ZMAT4: variants seen among roughly 807,000 people sequenced by gnomAD.
ZMAT4 encodes zinc finger matrin-type 4.
A neutral mutation model predicts 28.7 loss-of-function variants in ZMAT4; 17 were observed. The observed-to-expected ratio is 0.59, with a 90% CI of 0.41 to 0.89. ZMAT4 has a LOEUF of 0.89. Among genes scored for constraint, ZMAT4 ranks in the 40% least tolerant of loss-of-function variants. The pLI is 0.00. For missense variants in ZMAT4, 240 were observed against 283.8 expected, an observed-to-expected ratio of 0.85 and a Z score of 1.11; for synonymous variants, 117 against 109.2, an observed-to-expected ratio of 1.07 and a Z score of -0.44.
chr8:40,558,897 G>A (rs1222307192), intron 6 of ZMAT4, among the ~76,000 whole-genome samples: 1 of 151,994 alleles, frequency 6.6e-6, no homozygotes, highest in Non-Finnish European at 1.5e-5. Flanking sequence ...CAGAACAGAG[G>A]GGCCATAAGA....
At chr8:40,638,356 A>T (rs981690815) in intron 5 of ZMAT4, among the ~76,000 whole-genome samples, 1 of 152,236 alleles carries the variant, frequency 6.6e-6, no homozygotes, top group Non-Finnish European at 1.5e-5. Context: ...TGTCAATTAA[A>T]GATAAAGTTA....
At chr8:40,649,322 C>G (rs1284356910) in intron 5 of ZMAT4, among the ~76,000 whole-genome samples, 4 of 151,998 alleles carry the variant, frequency 2.6e-5, no homozygotes, top group Admixed American at 6.6e-5. Flanking sequence ...TCAAAAGAGA[C>G]AAAGAAGGCC....
At chr8:40,799,834 A>T (rs2150585823) in intron 2 of ZMAT4, among the ~76,000 whole-genome samples, 1 of 152,356 alleles carries the variant, frequency 6.6e-6, no homozygotes, top group Non-Finnish European at 1.5e-5. Flanking sequence ...GAGATACACC[A>T]ACCATGAAGG....
rs532794192 is a variant in ZMAT4 at position 40,805,117 on chromosome 8, C to A, written c.102+20458G>T. ...AAATTTACAAGAAAAAAACAAACAA[C>A]CCCATCAAAAAGTGGGCGAAGGACA... On this transcript the variant is annotated intron_variant, in intron 2 of 6. Transcript: ENST00000297737. Among the ~76,000 whole-genome samples the A allele has an allele frequency of 8.5e-5, 13 of 152,140 alleles. No individual in the cohort carries two copies. In the South Asian group the frequency reaches 2.3e-3, roughly 27 times the overall value.
intron 1 of ZMAT4, among the ~76,000 whole-genome samples, chr8:40,887,692 A>G (rs1818511686): frequency 6.6e-6 from 1 of 152,124 alleles, no homozygotes; most frequent in South Asian, 2.1e-4. Context: ...CTCAACAGGA[A>G]CAAAACCCAG....
intron 1 of ZMAT4, among the ~76,000 whole-genome samples, chr8:40,862,585 A>AAT (rs1817538527): frequency 6.5e-5 from 2 of 30,562 alleles, no homozygotes; most frequent in Admixed American, 3.8e-4. Context: ...AAAAAAAATT[A>AAT]AAAAAAAAAA....
At chr8:40,867,058 C>G (rs1175911245) in intron 1 of ZMAT4, among the ~76,000 whole-genome samples, 1 of 152,164 alleles carries the variant, frequency 6.6e-6, no homozygotes, top group Non-Finnish European at 1.5e-5. Flanking sequence ...TTCACCATCT[C>G]TACAGCCTCC....
chr8:40,665,807 G>A (rs1808388527), intron 5 of ZMAT4, among the ~76,000 whole-genome samples: 1 of 152,136 alleles, frequency 6.6e-6, no homozygotes, highest in African/African-American at 2.4e-5. Flanking sequence ...CCTGAACTTA[G>A]AAGGGGACAG....
intron 2 of ZMAT4, among the ~76,000 whole-genome samples, chr8:40,792,446 G>A (rs561360175): frequency 1.6e-5 from 2 of 121,840 alleles, no homozygotes; most frequent in Non-Finnish European, 3.2e-5. Flanking sequence ...GGTAAACCAT[G>A]GCACATCCAT....
chr8:40,535,667 C>A (rs1425514360), intron 6 of ZMAT4, among the ~76,000 whole-genome samples: 5 of 140,720 alleles, frequency 3.6e-5, no homozygotes, highest in East Asian at 2.1e-4. Context: ...GACTCTGTCT[C>A]AAAAAAAAAA....
In ZMAT4 at chr8:40,542,072, T is replaced by G. The variant is rs1023354415; in HGVS notation, c.675-9834A>C. On this transcript the variant is annotated intron_variant, in intron 6 of 6. Coordinates refer to ENST00000297737, the MANE Select transcript of ZMAT4 (RefSeq NM_024645.3). ...GTATGTTTTGTTGGGGGGAGGAATG[T>G]GTGGTGGAGAGGCCGGAGGGGAGGG... 3.9e-5 allele frequency among the ~76,000 whole-genome samples: 6 copies of G among 151,962 alleles called. No homozygotes were observed. In the South Asian group the frequency reaches 6.3e-4, roughly 16 times the overall value.
intron 6 of ZMAT4, among the ~76,000 whole-genome samples, chr8:40,577,922 C>T (rs1258409232): frequency 6.6e-6 from 1 of 151,628 alleles, no homozygotes; most frequent in Non-Finnish European, 1.5e-5. Flanking sequence ...CTCTAGAAAA[C>T]ACTATTGAAA....
chr8:40,697,126 A>G (rs2150494180), intron 4 of ZMAT4, 119 bp downstream of exon 4: 1 of 1,231,234 alleles, frequency 8.1e-7, no homozygotes, highest in Non-Finnish European at 1.1e-6. Flanking sequence ...TAGGCTTTGA[A>G]TGACGTCTAC....
intron 3 of ZMAT4, among the ~76,000 whole-genome samples, chr8:40,702,025 C>T (rs1356872336): frequency 6.6e-6 from 1 of 152,114 alleles, no homozygotes; most frequent in Admixed American, 6.5e-5. Context: ...GGTTTGTTAT[C>T]AAGAGAGTGG....
At chr8:40,706,352 C>A (rs1218455837) in intron 3 of ZMAT4, among the ~76,000 whole-genome samples, 2 of 152,056 alleles carry the variant, frequency 1.3e-5, no homozygotes, top group South Asian at 4.1e-4. Flanking sequence ...CTGCGCCCAG[C>A]CAGAACTAAT....
At chr8:40,890,649 G>A (rs1369817045) in intron 1 of ZMAT4, among the ~76,000 whole-genome samples, 1 of 152,062 alleles carries the variant, frequency 6.6e-6, no homozygotes, top group African/African-American at 2.4e-5. Context: ...AGATGCAAAT[G>A]TGAGCATGTC....
intron 3 of ZMAT4, among the ~76,000 whole-genome samples, chr8:40,713,565 C>T (rs1351224396): frequency 6.6e-6 from 1 of 152,004 alleles, no homozygotes; most frequent in Non-Finnish European, 1.5e-5. Context: ...AGCTAGTTAA[C>T]ACCCCACCAG....
intron 2 of ZMAT4, among the ~76,000 whole-genome samples, chr8:40,778,015 G>A (rs1813676291): frequency 6.6e-6 from 1 of 152,132 alleles, no homozygotes; most frequent in Admixed American, 6.5e-5. Flanking sequence ...TCTGCACAGG[G>A]CTGTTGCTCT....
At chr8:40,552,144 A>C (rs923793009) in intron 6 of ZMAT4, among the ~76,000 whole-genome samples, 14 of 152,158 alleles carry the variant, frequency 9.2e-5, no homozygotes, top group African/African-American at 3.1e-4. Flanking sequence ...TTCTCATAAT[A>C]GCCCTCTCTT....
Sources: gnomAD v4.1 joint callset for allele counts (sites outside exome capture counted in the v4.1 genomes callset) on GRCh38, gnomAD v4.1.1 for gene constraint, MANE v1.5 for transcripts, NCBI Gene and HGNC (gene_info 2026-07-23, HGNC 2026-07-21) for gene names.